The following TTC21B variants were observed in gnomAD, a reference collection of about 807,000 sequenced individuals.
TTC21B encodes tetratricopeptide repeat domain 21B.
Under a neutral mutation model 175.1 loss-of-function variants are expected in TTC21B, and 127 were observed. The observed-to-expected ratio is 0.73, with a 90% CI of 0.63 to 0.84. The LOEUF (loss-of-function observed/expected upper bound fraction) is 0.84, where lower values mean the gene tolerates loss of function less well. Among genes scored for constraint, TTC21B ranks in the 40% least tolerant of loss-of-function variants. TTC21B has a pLI of 0.00. For synonymous variants in TTC21B, 524 were observed against 524.5 expected, an observed-to-expected ratio of 1.00 and a Z score of 0.01; for missense variants, 1,561 against 1,558.3, an observed-to-expected ratio of 1.00 and a Z score of -0.03.
At chr2:165,914,684 T>TGTGTGTGTGTGTGTGTGTGC (rs1559056051) in intron 15 of TTC21B, among the ~76,000 whole-genome samples, 1 of 150,992 alleles carries the variant, frequency 6.6e-6, no homozygotes, top group African/African-American at 2.4e-5. Flanking sequence ...TGTGTGTGTG[T>TGTGTGTGTGTGTGTGTGTGC]GTGTGTGTGT....
chr2:165,942,542 C>T (rs555696463), intron 5 of TTC21B, among the ~76,000 whole-genome samples: 2 of 152,114 alleles, frequency 1.3e-5, no homozygotes, highest in South Asian at 2.1e-4. Context: ...TCCTCCTCAC[C>T]CCCATCCCAC....
At chr2:165,915,512 C>A (rs1686136053) in intron 14 of TTC21B, 73 bp from the exon 15 acceptor site, 7 of 1,153,720 alleles carry the variant, frequency 6.1e-6, no homozygotes, top group South Asian at 1.2e-5. Context: ...GAGATTTTCT[C>A]ATAACGCAGA....
At chr2:165,893,830 A>T (rs1314890214) in intron 22 of TTC21B, among the ~76,000 whole-genome samples, 1 of 152,064 alleles carries the variant, frequency 6.6e-6, no homozygotes, top group Non-Finnish European at 1.5e-5. Flanking sequence ...GCATGCGCCA[A>T]GAGGGAAGCA....
intron 15 of TTC21B, among the ~76,000 whole-genome samples, chr2:165,914,698 T>TGTGTGTGTGTG (rs71031214): frequency 5.1e-4 from 68 of 132,334 alleles, no homozygotes; most frequent in Middle Eastern, 3.7e-3. Context: ...TGTGTGTGTG[T>TGTGTGTGTGTG]TGTGTATCCC....
At chr2:165,899,707 G>T in intron 21 of TTC21B, 63 bp downstream of exon 21, 1 of 1,067,938 alleles carries the variant, frequency 9.4e-7, no homozygotes, top group South Asian at 1.3e-5. Flanking sequence ...TAGTTCCATG[G>T]GGTAAAATTT....
At position 165,945,609 on chromosome 2, in the gene TTC21B, C is replaced by T; in HGVS notation, c.344G>A (p.Gly115Asp). 1.7e-5 allele frequency: 28 copies of T among 1,613,792 alleles called. No homozygotes were observed. The highest frequency in any genetic ancestry group is 2.3e-5 in the Non-Finnish European group (27 of 1,179,940). The change falls in exon 4 of 29, where the codon GGC becomes GAC. Residue 115 changes from glycine to aspartate, a missense_variant. Transcript: ENST00000243344. ...GAGEKALYHA[G>D]LFLWHIGRHD... is the part of the protein sequence containing the mutation. Reference sequence around the variant, plus strand: ...GCGACCAATGTGCCATAAAAATAAGCCTGCATGGTATAAGGCTTTCTCTCC... The same window carrying T: ...GCGACCAATGTGCCATAAAAATAAGTCTGCATGGTATAAGGCTTTCTCTCC...
At chr2:165,886,319 C>T (rs1684996567) in intron 25 of TTC21B, among the ~76,000 whole-genome samples, 1 of 152,166 alleles carries the variant, frequency 6.6e-6, no homozygotes. Flanking sequence ...TGGAATGTAA[C>T]ACATTTTGCT....
chr2:165,908,261 T>C (rs1200825192), intron 18 of TTC21B, among the ~76,000 whole-genome samples: 3 of 152,192 alleles, frequency 2.0e-5, no homozygotes, highest in African/African-American at 7.2e-5. Context: ...TACCACTTAC[T>C]AGCCCTCTAA....
rs1350154127 is a variant in TTC21B at position 165,917,570 on chromosome 2, C to A, written c.1675-89G>T. 9.5e-6 allele frequency: 10 copies of A among 1,049,410 alleles called. No individual in the cohort carries two copies. The African/African-American group carries it at 1.4e-4, about 15-fold the overall frequency. The allele number at this position is 1,049,410 out of a possible 1,614,324, so 65.0% of individuals were successfully genotyped here. On this transcript the variant is annotated intron_variant, in intron 13 of 28. Coordinates refer to ENST00000243344, the MANE Select transcript of TTC21B (RefSeq NM_024753.5). ...ATCAAACATTAAAATAATGAGATCA[C>A]TGAGAACAGTCCATCTTTGATTGTA... is the stretch of plus-strand genomic sequence containing the variant.
chr2:165,895,912 G>A (rs1685346409), intron 22 of TTC21B, among the ~76,000 whole-genome samples: 1 of 152,078 alleles, frequency 6.6e-6, no homozygotes, highest in Admixed American at 6.6e-5. Flanking sequence ...ATAATAAAGA[G>A]AAAGTGTTGA....
intron 4 of TTC21B, among the ~76,000 whole-genome samples, chr2:165,944,750 C>T (rs35336175): frequency 0.042 from 6,428 of 152,230 alleles, 183 homozygotes; most frequent in Non-Finnish European, 0.061. Context: ...TCGTTATCAA[C>T]GTATCCTGTA....
chr2:165,938,454 C>T (rs1687243851), intron 6 of TTC21B, among the ~76,000 whole-genome samples: 1 of 152,120 alleles, frequency 6.6e-6, no homozygotes, highest in Admixed American at 6.6e-5. Flanking sequence ...AGCAGACATT[C>T]TGTCACTGTG....
At chr2:165,889,180 C>T (rs1406189428) in intron 24 of TTC21B, among the ~76,000 whole-genome samples, 1 of 152,120 alleles carries the variant, frequency 6.6e-6, no homozygotes, top group Non-Finnish European at 1.5e-5. Flanking sequence ...ACTCAAAGTC[C>T]AATCACTAAA....
At chr2:165,921,871 G>A (rs1298622020) in intron 12 of TTC21B, among the ~76,000 whole-genome samples, 3 of 142,730 alleles carry the variant, frequency 2.1e-5, no homozygotes, top group Non-Finnish European at 4.5e-5. Flanking sequence ...GGCGGTGTTT[G>A]GTTACATGAA....
Position 165,876,207 on chromosome 2 carries a change from T to C in TTC21B, c.3831A>G (p.Leu1277=). The change falls in exon 28 of 29, where the codon TTA becomes TTG. Residue 1277 remains leucine, a synonymous_variant. Transcript: ENST00000243344. ...TTGAATCCACATATCTTTTTGCTTT[T>C]AAGTAATTAAATGCCAGTTTGTATC... ...AVGYKLAFNY[L]KAKRYVDSID... is the part of the protein sequence containing the mutation. The C allele has an allele frequency of 9.4e-6, 15 of 1,598,590 alleles. No individual in the cohort carries two copies. The highest frequency in any genetic ancestry group is 1.3e-5 in the Non-Finnish European group (15 of 1,167,126).
At chr2:165,929,058 A>C in intron 11 of TTC21B, 77 bp downstream of exon 11, 2 of 1,341,462 alleles carry the variant, frequency 1.5e-6, no homozygotes, top group South Asian at 2.4e-5. Context: ...AGTCTAATGC[A>C]TCAAAGAAAA....
rs1163584126 is a variant in TTC21B, at chr2:165,931,862, A to G, written c.796-6T>C. 2 of 1,586,944 alleles carry G rather than the reference A, an allele frequency of 1.3e-6. No individual in the cohort carries two copies. The highest frequency in any genetic ancestry group is 2.2e-5 in the South Asian group (2 of 90,512). On this transcript the variant is annotated splice_polypyrimidine_tract_variant and splice_region_variant and intron_variant, in intron 7 of 28. Transcript: ENST00000243344. Reference sequence around the variant, plus strand: ...TTTTCCAGCTTGGTGGAAGCCTAAAACAAAAGGAACTGGTATTAACTTAAA... The same window carrying G: ...TTTTCCAGCTTGGTGGAAGCCTAAAGCAAAAGGAACTGGTATTAACTTAAA...
At chr2:165,920,813 A>AATATTTTGAAATATTTTAAATATTTAC (rs1344348648) in intron 12 of TTC21B, among the ~76,000 whole-genome samples, 1 of 152,144 alleles carries the variant, frequency 6.6e-6, no homozygotes, top group Non-Finnish European at 1.5e-5. Context: ...AAATATTTAA[A>AATATTTTGAAATATTTTAAATATTTAC]AATGAGAAGT....
chr2:165,928,968 A>G lies in TTC21B; in HGVS notation c.1386+167T>C, dbSNP rs1686779702. On this transcript the variant is annotated intron_variant, in intron 11 of 28. Coordinates refer to ENST00000243344, the MANE Select transcript of TTC21B (RefSeq NM_024753.5). ...ACCAATACTTTCAGTAGTTGACAGC[A>G]GTCATTACTAAAAACAGTCTGATTA... 1.5e-5 allele frequency: 10 copies of G among 646,856 alleles called. No individual in the cohort carries two copies. In the South Asian group the frequency reaches 1.8e-4, roughly 12 times the overall value. The allele number at this position is 646,856 out of a possible 1,614,324, so 40.1% of individuals were successfully genotyped here.
Sources: gnomAD v4.1 joint callset for allele counts (sites outside exome capture counted in the v4.1 genomes callset) on GRCh38, gnomAD v4.1.1 for gene constraint, MANE v1.5 for transcripts, NCBI Gene and HGNC (gene_info 2026-07-23, HGNC 2026-07-21) for gene names.